Variants in RGP1 observed in about 807,000 individuals in gnomAD.
RGP1 encodes RGP1 partner of RAB6A GEF complex.
RGP1 carries 28 observed loss-of-function variants against 44.5 expected under a neutral mutation model. That is an observed-to-expected ratio of 0.63 (90% CI 0.47 to 0.86). The LOEUF is 0.86. Among genes scored for constraint, RGP1 ranks in the 40% least tolerant of loss-of-function variants. The pLI, the probability that RGP1 is intolerant of heterozygous loss-of-function variation, is 0.00. For missense variants in RGP1, 417 were observed against 490.7 expected, an observed-to-expected ratio of 0.85 and a Z score of 1.42; for synonymous variants, 212 against 196.7, an observed-to-expected ratio of 1.08 and a Z score of -0.65.
Position 35,751,360 on chromosome 9 carries a change from A to G in RGP1, c.582A>G (p.Leu194=). ...AAGGTGGGAAGAAAGATTCATGGCT[A>G]GCTGAGCTGGCTGGGGAACGCCTAA... ...EDEGGKKDSW[L]AELAGERLMA... is the part of the protein sequence containing the mutation. Residue 194 remains leucine, a synonymous_variant, in exon 6 of 9, where the codon CTA becomes CTG. Coordinates refer to ENST00000378078, the MANE Select transcript of RGP1 (RefSeq NM_001080496.3). The G allele has an allele frequency of 6.2e-7, 1 of 1,613,964 alleles. No homozygotes were observed. Among genetic ancestry groups the G allele is most frequent in the Non-Finnish European group, 8.5e-7 (1 of 1,179,886 alleles).
Position 35,753,193 on chromosome 9 carries a change from G to T in RGP1, c.*319G>T. ...CTCCCCCTTTGCAGGGCAGCCGAGG[G>T]TCAGATTTTTGCACCAAGGAGAACT... On this transcript the variant is annotated 3_prime_UTR_variant, in exon 9 of 9. Transcript: ENST00000378078. The surrounding 1 kb of genome is among the most constrained non-coding windows in gnomAD (Gnocchi z 4.2). The T allele has an allele frequency of 6.2e-7, 1 of 1,614,172 alleles. No homozygotes were observed. Among genetic ancestry groups the T allele is most frequent in the Non-Finnish European group, 8.5e-7 (1 of 1,180,022 alleles).
chr9:35,763,308 G>T (rs1827435347), downstream of RGP1, among the ~76,000 whole-genome samples: 1 of 152,100 alleles, frequency 6.6e-6, no homozygotes, highest in Non-Finnish European at 1.5e-5. Context: ...GATCCTCATT[G>T]TTCAGCTGAA....
chr9:35,786,756 A>G, the RGP1 span: 3 of 152,204 alleles, frequency 2.0e-5, no homozygotes, highest in Non-Finnish European at 4.4e-5. Flanking sequence ...TGTTTGTCTA[A>G]AAAACATATA....
rs1827343538 is a variant in RGP1, at chr9:35,755,361, C to T, written c.*2487C>T. ...GAGGCAAAATGGGCGACATTATTTT[C>T]TTTGAATGACATTAAGCAGTTTGTG... On this transcript the variant is annotated 3_prime_UTR_variant, in exon 9 of 9. Transcript: ENST00000378078. 1 of 152,234 alleles carries T rather than the reference C, an allele frequency of 6.6e-6. No individual in the cohort carries two copies. The highest frequency in any genetic ancestry group is 2.4e-5 in the African/African-American group (1 of 41,428). 9.4% of individuals were successfully genotyped at this position (152,234 alleles called of 1,614,324 possible).
chr9:35,762,336 T>G (rs1294197511), downstream of RGP1, among the ~76,000 whole-genome samples: 3 of 152,170 alleles, frequency 2.0e-5, no homozygotes, highest in African/African-American at 7.2e-5. Flanking sequence ...AGGACAAATT[T>G]TGGCTTGATA....
At chr9:35,760,188 C>T (rs1827406833), downstream of RGP1, among the ~76,000 whole-genome samples, 1 of 151,892 alleles carries the variant, frequency 6.6e-6, no homozygotes, top group South Asian at 2.1e-4. Flanking sequence ...CAGGGGATCT[C>T]GCATAAGTCT....
At chr9:35,787,726 T>C in the RGP1 span, among the ~76,000 whole-genome samples, 1 of 152,256 alleles carries the variant, frequency 6.6e-6, no homozygotes, top group South Asian at 2.1e-4. Context: ...GTAAAGTCTC[T>C]ATTTGCTTTC....
Position 35,753,957 on chromosome 9 carries a change from C to A in RGP1, c.*1083C>A, listed in dbSNP as rs557974712. Reference sequence around the variant, plus strand: ...TGTAAGGCCCCATCCTCCCTGTGCCCTCTCTGCTGCTCCTCCATTCCTAAC... The same window carrying A: ...TGTAAGGCCCCATCCTCCCTGTGCCATCTCTGCTGCTCCTCCATTCCTAAC... On this transcript the variant is annotated 3_prime_UTR_variant, in exon 9 of 9. Transcript: ENST00000378078. The surrounding 1 kb of genome is among the most constrained non-coding windows in gnomAD (Gnocchi z 4.2). 1 of 1,590,816 alleles carries A rather than the reference C, an allele frequency of 6.3e-7. No homozygotes were observed. The highest frequency in any genetic ancestry group is 2.2e-5 in the East Asian group (1 of 44,566).
chr9:35,776,336 G>C, the RGP1 span, among the ~76,000 whole-genome samples: 15 of 151,356 alleles, frequency 9.9e-5, no homozygotes, highest in Non-Finnish European at 1.8e-4. Flanking sequence ...ATCCAGGCTG[G>C]GGCGCAGTGG....
downstream of RGP1, among the ~76,000 whole-genome samples, chr9:35,759,624 A>G (rs1402079003): frequency 7.0e-6 from 1 of 142,974 alleles, no homozygotes; most frequent in Non-Finnish European, 1.5e-5. Context: ...TGAAACTGAA[A>G]TTGCTTCTCC....
the RGP1 span, among the ~76,000 whole-genome samples, chr9:35,763,675 A>C: frequency 1.3e-5 from 2 of 152,158 alleles, no homozygotes; most frequent in East Asian, 3.9e-4. Context: ...TGAGGTCAGG[A>C]GTTCGAGACC....
chr9:35,751,243 C>T, intron 5 of RGP1, 23 bp from the exon 6 acceptor site: 3 of 1,613,266 alleles, frequency 1.9e-6, no homozygotes, highest in Admixed American at 1.7e-5. Context: ...TCAGCATTAC[C>T]TCTCCACTCA....
chr9:35,763,327 T>G (rs936734287), downstream of RGP1, among the ~76,000 whole-genome samples: 3 of 152,218 alleles, frequency 2.0e-5, no homozygotes, highest in Non-Finnish European at 2.9e-5. Context: ...AATGAGAGCC[T>G]AAATCCATCC....
the RGP1 span, among the ~76,000 whole-genome samples, chr9:35,779,174 C>T: frequency 6.6e-6 from 1 of 152,136 alleles, no homozygotes; most frequent in African/African-American, 2.4e-5. Flanking sequence ...CTCTCCAGGG[C>T]TTACAAAGAG....
chr9:35,752,005 G>T lies in RGP1; in HGVS notation c.812G>T (p.Arg271Leu). The change falls in exon 8 of 9, where the codon CGG becomes CTG. Residue 271 changes from arginine to leucine, a missense_variant. Arg to Leu is a moderately radical substitution (Grantham distance 102). Transcript: ENST00000378078. ...GAGCGTGTACAGCCTGAGTACCAGC[G>T]GCGACGTGGGGCAGGGGGTGTCCCC... ...TEERVQPEYQ[R>L]RRGAGGVPSV... is the part of the protein sequence containing the mutation. 1.2e-6 allele frequency: 2 copies of T among 1,603,278 alleles called. No individual in the cohort carries two copies. Among genetic ancestry groups the T allele is most frequent in the Non-Finnish European group, 1.7e-6 (2 of 1,174,640 alleles).
rs1485825184 is a variant in RGP1 at position 35,756,325 on chromosome 9, C to G, written c.*3451C>G. 3 of 152,338 alleles carry G rather than the reference C, an allele frequency of 2.0e-5. No individual in the cohort carries two copies. Among genetic ancestry groups the G allele is most frequent in the East Asian group, 3.8e-4 (2 of 5,204 alleles). 9.4% of individuals were successfully genotyped at this position (152,338 alleles called of 1,614,324 possible). ...GACTTTTCAAGGGGGACCACCCTACCTGTCATCTCTTCACTGTTCAGAAAT... is the reference window on the plus strand; with the variant it reads ...GACTTTTCAAGGGGGACCACCCTACGTGTCATCTCTTCACTGTTCAGAAAT... On this transcript the variant is annotated 3_prime_UTR_variant, in exon 9 of 9. Transcript: ENST00000378078.
At position 35,749,887 on chromosome 9, in the gene RGP1, C is replaced by T; in HGVS notation, c.116+16C>T. Reference sequence around the variant, plus strand: ...CTGCATCCAGGTGGGGATGCTGGCACTGAAGGTGGTGGCCCTTCTGGGAAG... The same window carrying T: ...CTGCATCCAGGTGGGGATGCTGGCATTGAAGGTGGTGGCCCTTCTGGGAAG... On this transcript the variant is annotated intron_variant, in intron 2 of 8. Coordinates refer to ENST00000378078, the MANE Select transcript of RGP1 (RefSeq NM_001080496.3). The surrounding 1 kb of genome is among the most constrained non-coding windows in gnomAD (Gnocchi z 4.4). The T allele has an allele frequency of 6.3e-7, 1 of 1,577,538 alleles. No individual in the cohort carries two copies. The highest frequency in any genetic ancestry group is 8.7e-7 in the Non-Finnish European group (1 of 1,148,770).
the RGP1 span, among the ~76,000 whole-genome samples, chr9:35,778,034 T>C: frequency 3.3e-5 from 5 of 152,178 alleles, no homozygotes; most frequent in African/African-American, 9.7e-5. Flanking sequence ...GCGCGGTGGC[T>C]CATGCCTGTA....
chr9:35,751,054 A>G, intron 5 of RGP1, 65 bp downstream of exon 5: 3 of 1,587,448 alleles, frequency 1.9e-6, no homozygotes, highest in Non-Finnish European at 2.6e-6. Context: ...ATTGTCTTAG[A>G]GGGCTTGCAA....
Sources: gnomAD v4.1 joint callset for allele counts (sites outside exome capture counted in the v4.1 genomes callset) on GRCh38, gnomAD v4.1.1 for gene constraint, Gnocchi (gnomAD v3.1) non-coding constraint, MANE v1.5 for transcripts, NCBI Gene and HGNC (gene_info 2026-07-23, HGNC 2026-07-21) for gene names.